TRIM7: variants seen among roughly 807,000 people sequenced by gnomAD.
TRIM7 encodes E3 ubiquitin-protein ligase TRIM7.
Under a neutral mutation model 37.9 loss-of-function variants are expected in TRIM7, and 32 were observed. The ratio of observed to expected loss-of-function variants is 0.84; its 90% CI spans 0.64 to 1.13. The LOEUF is 1.13. Among genes scored for constraint, TRIM7 ranks in the 50% most tolerant of loss-of-function variants. The probability of loss-of-function intolerance (pLI) is 0.00; values close to 1 mark genes in which losing one functional copy is unlikely to be tolerated. For synonymous variants in TRIM7, 351 were observed against 321.3 expected (o/e 1.09, Z -0.99); for missense variants, 732 against 714.0 (o/e 1.03, Z -0.29).
At position 181,199,895 on chromosome 5, in the gene TRIM7, G is replaced by A. The variant is rs867856489; in HGVS notation, c.805C>T (p.Gln269Ter). ...EITQLSKLSS[Q>*]IQETAQKPDL... ...GGCTTTTGAGCTGTCTCCTGGATCT[G>A]GCTGCTGAGCTTGGACAGCTGGGTG... Residue 269 changes from glutamine to a stop codon, truncating the protein, a stop_gained, in exon 3 of 7, where the codon CAG becomes TAG. Coordinates refer to ENST00000274773, the MANE Select transcript of TRIM7 (RefSeq NM_203293.3). LOFTEE classifies it high-confidence loss of function. 39 of 1,614,206 alleles carry A rather than the reference G, an allele frequency of 2.4e-5. No individual in the cohort carries two copies. Among genetic ancestry groups the A allele is most frequent in the Non-Finnish European group, 3.3e-5 (39 of 1,180,030 alleles).
rs1254100651 is a variant in TRIM7, at chr5:181,194,814, A to G, written c.*352T>C. 2 of 211,412 alleles carry G rather than the reference A, an allele frequency of 9.5e-6. No homozygotes were observed. Among genetic ancestry groups the G allele is most frequent in the Non-Finnish European group, 1.9e-5 (2 of 106,962 alleles). 13.1% of individuals were successfully genotyped at this position (211,412 alleles called of 1,614,324 possible). A position where few individuals can be genotyped will look rare whatever the true frequency, so the allele number is the denominator to read the frequency against. Reference sequence around the variant, plus strand: ...GACCTGCCCCCTGGCAACAGAGAACAGCAGGACTGGCTTTGACATTGTTTT... The same window carrying G: ...GACCTGCCCCCTGGCAACAGAGAACGGCAGGACTGGCTTTGACATTGTTTT... On this transcript the variant is annotated 3_prime_UTR_variant, in exon 7 of 7. Transcript: ENST00000274773.
intron 2 of TRIM7, chr5:181,200,898 C>T (rs1757443160): frequency 2.0e-6 from 2 of 985,516 alleles, no homozygotes. Flanking sequence ...TACAATGCCC[C>T]CACCTTTCCT....
At chr5:181,200,730 G>A (rs1225507865) in intron 2 of TRIM7, 3 of 988,214 alleles carry the variant, frequency 3.0e-6, no homozygotes, top group Non-Finnish European at 3.6e-6. Context: ...TTTTTTACTC[G>A]AGTTTTCAGA....
chr5:181,204,689 C>A lies in TRIM7; in HGVS notation c.422G>T (p.Cys141Phe). The change falls in exon 1 of 7, where the codon TGC (cysteine) becomes TTC (phenylalanine). Residue 141 changes from cysteine (C) to phenylalanine (F), a missense_variant. By Grantham distance (205) the Cys-to-Phe change is radical (BLOSUM62 -2). Transcript: ENST00000274773. ...GCAGATGGCGCGTCCGTCGTCCTGG[C>A]AGTAGAGCTTGAAGGGTTCGCCATG... ...GQHGEPFKLYCQDDGRAICVV... is the reference protein window; with the variant it reads ...GQHGEPFKLYFQDDGRAICVV... 6.6e-7 allele frequency: 1 copy of A among 1,508,204 alleles called. No individual in the cohort carries two copies. 93.4% of individuals were successfully genotyped at this position (1,508,204 alleles called of 1,614,324 possible). A position where few individuals can be genotyped will look rare whatever the true frequency, so the allele number is the denominator to read the frequency against.
At chr5:181,201,231 G>A (rs1019843128) in intron 2 of TRIM7, among the ~76,000 whole-genome samples, 1 of 152,170 alleles carries the variant, frequency 6.6e-6, no homozygotes, top group African/African-American at 2.4e-5. Context: ...CGCCCCTCTG[G>A]CCTCTACCAC....
At chr5:181,196,065 A>G (rs1031033135) in intron 6 of TRIM7, 9 of 193,072 alleles carry the variant, frequency 4.7e-5, no homozygotes, top group African/African-American at 1.9e-4. Context: ...TATGGCAATG[A>G]TATGTTGTCT....
chr5:181,204,998 T>C lies in TRIM7; in HGVS notation c.113A>G (p.Glu38Gly). 4 of 1,487,158 alleles carry C rather than the reference T, an allele frequency of 2.7e-6. No homozygotes were observed. Among genetic ancestry groups the C allele is most frequent in the Non-Finnish European group, 3.5e-6 (4 of 1,127,056 alleles). 92.1% of individuals were successfully genotyped at this position (1,487,158 alleles called of 1,614,324 possible). ...TCSICLELFR[E>G]PVSVECGHSF... ...GTGGCCGCACTCGACGGACACCGGCTCACGAAAGAGCTCTAGGCAGATGGA... is the reference window on the plus strand; with the variant it reads ...GTGGCCGCACTCGACGGACACCGGCCCACGAAAGAGCTCTAGGCAGATGGA... The change falls in exon 1 of 7, where the codon GAG becomes GGG. Residue 38 changes from glutamate (E) to glycine (G), a missense_variant. Physicochemically the swap from Glu to Gly is moderately conservative, Grantham distance 98 (BLOSUM62 -2). Transcript: ENST00000274773.
chr5:181,197,149 A>G (rs1757178111), intron 6 of TRIM7: 1 of 106,212 alleles, frequency 9.4e-6, no homozygotes, highest in South Asian at 2.5e-4. Flanking sequence ...CCTTGTCTCC[A>G]AAAAAAAAAA....
At chr5:181,199,330 C>T in intron 3 of TRIM7, 1 of 610,832 alleles carries the variant, frequency 1.6e-6, no homozygotes, top group South Asian at 2.0e-5. Context: ...CCCTTTGCCA[C>T]AACTCTTCAC....
chr5:181,195,175 G>T lies in TRIM7; in HGVS notation c.1527C>A (p.Ile509=), dbSNP rs749963929. 5.6e-6 allele frequency: 9 copies of T among 1,599,556 alleles called. No homozygotes were observed. The highest frequency in any genetic ancestry group is 6.8e-6 in the Non-Finnish European group (8 of 1,171,244). Residue 509 remains isoleucine, a synonymous_variant, in exon 7 of 7, where the codon ATC becomes ATA. Transcript: ENST00000274773. ...TCCCCAGCAGTGCCCCTCAAGGCCA[G>T]ATTCGCAAGTAGGTGCCCGTGGAGC... ...SVCSTGTYLR[I]WP
chr5:181,201,731 A>C (rs537558486), intron 2 of TRIM7, among the ~76,000 whole-genome samples: 63 of 152,388 alleles, frequency 4.1e-4, no homozygotes, highest in African/African-American at 1.4e-3. Flanking sequence ...GTCTAAAAGC[A>C]AAGCAAAACA....
In TRIM7 at chr5:181,204,840, G is replaced by C; in HGVS notation, c.271C>G (p.Arg91Gly). 7.4e-7 allele frequency: 1 copy of C among 1,358,642 alleles called. No homozygotes were observed. Among genetic ancestry groups the C allele is most frequent in the Non-Finnish European group, 9.4e-7 (1 of 1,065,772 alleles). 84.2% of individuals were successfully genotyped at this position (1,358,642 alleles called of 1,614,324 possible). A position where few individuals can be genotyped will look rare whatever the true frequency, so the allele number is the denominator to read the frequency against. ...ACTGCCGCCAGCTGCCGGTTGGGCC[G>C]CAGCTGACTGGGGCGCGCGGGCTCG... ...CREPARPSQL[R>G]PNRQLAAVAT... The change falls in exon 1 of 7, where the codon CGG (arginine) becomes GGG (glycine). Residue 91 changes from arginine (R) to glycine (G), a missense_variant. Coordinates refer to ENST00000274773, the MANE Select transcript of TRIM7 (RefSeq NM_203293.3).
At chr5:181,204,568 G>A in intron 1 of TRIM7, 21 bp downstream of exon 1, 4 of 1,366,008 alleles carry the variant, frequency 2.9e-6, no homozygotes, top group Non-Finnish European at 3.8e-6. Flanking sequence ...GACCCACGGG[G>A]TGGGTGGGGG....
intron 5 of TRIM7, 50 bp downstream of exon 5, chr5:181,198,640 C>T: frequency 1.5e-6 from 2 of 1,327,180 alleles, no homozygotes; most frequent in Non-Finnish European, 2.2e-6. Context: ...TACCAGGAAC[C>T]CTCCACCACC....
At chr5:181,202,441 A>G (rs1479601379) in intron 2 of TRIM7, 1 of 152,158 alleles carries the variant, frequency 6.6e-6, no homozygotes, top group Non-Finnish European at 1.5e-5. Context: ...GACCTCCCAA[A>G]GTGCTGGGAT....
chr5:181,202,252 T>G (rs1214627335), intron 2 of TRIM7: 1 of 151,708 alleles, frequency 6.6e-6, no homozygotes, highest in African/African-American at 2.4e-5. Context: ...TGATCTTGGC[T>G]GACCGCAACC....
Position 181,198,679 on chromosome 5 carries a change from C to G in TRIM7, c.988+11G>C. ...GCACTATGTGGCCCAGCTTGGCGCC[C>G]AGGCCCCTACCTTTGAACTTCTTCA... On this transcript the variant is annotated intron_variant, in intron 5 of 6. Transcript: ENST00000274773. 6.2e-7 allele frequency: 1 copy of G among 1,601,300 alleles called. No homozygotes were observed. Among genetic ancestry groups the G allele is most frequent in the Non-Finnish European group, 8.6e-7 (1 of 1,168,530 alleles).
intron 6 of TRIM7, 174 bp from the exon 7 acceptor site, chr5:181,195,851 T>A: frequency 1.3e-6 from 1 of 750,790 alleles, no homozygotes; most frequent in East Asian, 3.1e-5. Context: ...GAGATTTTGC[T>A]TCCCCCCGCC....
chr5:181,200,669 G>T, intron 2 of TRIM7: 2 of 997,786 alleles, frequency 2.0e-6, no homozygotes, highest in Non-Finnish European at 2.4e-6. Context: ...GTGAGAATAT[G>T]CGGCATGCAA....
Sources: gnomAD v4.1 joint callset for allele counts (sites outside exome capture counted in the v4.1 genomes callset) on GRCh38, gnomAD v4.1.1 for gene constraint, MANE v1.5 for transcripts, NCBI Gene and HGNC (gene_info 2026-07-23, HGNC 2026-07-21) for gene names.